Variants in WDR25 observed in about 807,000 individuals in gnomAD.
WDR25 encodes the protein WD repeat domain 25.
A neutral mutation model predicts 47.7 loss-of-function variants in WDR25; 35 were observed. That is an observed-to-expected ratio of 0.73 (90% CI 0.56 to 0.97). WDR25 has a LOEUF of 0.97. Ranked by LOEUF, WDR25 falls within the 50% of genes least tolerant of loss-of-function variation. The pLI is 0.00. For missense variants in WDR25, 634 were observed against 704.7 expected (o/e 0.90, Z 1.14); for synonymous variants, 248 against 278.9 (o/e 0.89, Z 1.10).
intron 2 of WDR25, chr14:100,382,286 G>A: frequency 1.5e-6 from 1 of 658,040 alleles, no homozygotes; most frequent in Non-Finnish European, 2.8e-6. Flanking sequence ...CCAACGGGAG[G>A]GTTACCAGCC....
intron 4 of WDR25, among the ~76,000 whole-genome samples, chr14:100,503,397 T>C (rs540193902): frequency 1.3e-5 from 2 of 152,182 alleles, no homozygotes; most frequent in African/African-American, 4.8e-5. Flanking sequence ...TAAATGCTAA[T>C]GAATTTAGAG....
rs147426411 is a variant in WDR25, at chr14:100,413,541, G to A, written c.822+31795G>A. On this transcript the variant is annotated intron_variant, in intron 2 of 6. Transcript: ENST00000402312. ...CCATTCTCCTGCCTCAGCCTCCCGA[G>A]TAGCTGGGACTACAGGCGCCCACCA... Among the ~76,000 whole-genome samples the A allele has an allele frequency of 4.0e-3, 606 of 152,052 alleles. 2 individuals are homozygous for A. Among genetic ancestry groups the A allele is most frequent in the African/African-American group, 0.014 (570 of 41,456 alleles).
At chr14:100,462,802 C>T (rs985016292) in intron 2 of WDR25, among the ~76,000 whole-genome samples, 1 of 151,846 alleles carries the variant, frequency 6.6e-6, no homozygotes, top group Non-Finnish European at 1.5e-5. Flanking sequence ...CCTCCGTCCT[C>T]TCCTCCTCTC....
intron 2 of WDR25, among the ~76,000 whole-genome samples, chr14:100,462,467 T>G (rs1477828570): frequency 6.6e-6 from 1 of 152,222 alleles, no homozygotes; most frequent in African/African-American, 2.4e-5. Context: ...GGAGACCAAT[T>G]GGCAAAGATT....
chr14:100,412,070 G>C (rs1359244327), intron 2 of WDR25, among the ~76,000 whole-genome samples: 1 of 152,118 alleles, frequency 6.6e-6, no homozygotes, highest in Non-Finnish European at 1.5e-5. Context: ...TGCCTGGTGT[G>C]GTTGTGGGCT....
chr14:100,462,666 CT>C (rs2140286717), intron 2 of WDR25, among the ~76,000 whole-genome samples: 1 of 152,302 alleles, frequency 6.6e-6, no homozygotes, highest in Non-Finnish European at 1.5e-5. Context: ...GGGAGTTCCC[CT>C]GGACAAGAAT....
chr14:100,442,276 C>T (rs1898693177), intron 2 of WDR25, among the ~76,000 whole-genome samples: 1 of 151,806 alleles, frequency 6.6e-6, no homozygotes, highest in South Asian at 2.1e-4. Context: ...GCCACAAAGC[C>T]AGTATTTAGT....
chr14:100,513,365 T>A (rs1332637472), intron 4 of WDR25, among the ~76,000 whole-genome samples: 2 of 152,236 alleles, frequency 1.3e-5, no homozygotes, highest in Non-Finnish European at 2.9e-5. Context: ...TCTTCTGCCA[T>A]GTGAGGACAA....
At chr14:100,461,931 T>G (rs1261111398) in intron 2 of WDR25, among the ~76,000 whole-genome samples, 1 of 152,068 alleles carries the variant, frequency 6.6e-6, no homozygotes, top group Non-Finnish European at 1.5e-5. Flanking sequence ...TTGTTTGTTT[T>G]TTTTTTTGGG....
chr14:100,495,308 GACCGTGTCAT>G (rs1566936897), intron 4 of WDR25, among the ~76,000 whole-genome samples: 1 of 152,206 alleles, frequency 6.6e-6, no homozygotes, highest in Non-Finnish European at 1.5e-5. Context: ...AGTGAGCTGA[GACCGTGTCAT>G]TGTATCCAGT....
At chr14:100,524,032 C>T (rs192829643) in intron 4 of WDR25, among the ~76,000 whole-genome samples, 1 of 152,254 alleles carries the variant, frequency 6.6e-6, no homozygotes, top group African/African-American at 2.4e-5. Context: ...ACATTATTGG[C>T]AGGGATCGCC....
intron 5 of WDR25, among the ~76,000 whole-genome samples, chr14:100,527,396 A>C (rs2030238752): frequency 6.6e-6 from 1 of 152,180 alleles, no homozygotes. Flanking sequence ...GATTTCAACT[A>C]ACCCAAGACT....
At position 100,503,044 on chromosome 14, in the gene WDR25, CGTGTGTGTGT is replaced by C. The variant is rs954407651; in HGVS notation, c.1101+18924_1101+18933del. On this transcript the variant is annotated intron_variant, in intron 4 of 6. Coordinates refer to ENST00000402312, the MANE Select transcript of WDR25 (RefSeq NM_001161476.3). Reference sequence around the variant, plus strand: ...CCATGCATGTGTGTGTGTCTGTGTCCGTGTGTGTGTGTGCGTGTGTGTGTGTGTGTGTGCA... The same window carrying C: ...CCATGCATGTGTGTGTGTCTGTGTCCGTGCGTGTGTGTGTGTGTGTGTGCA... Among the ~76,000 whole-genome samples the C allele has an allele frequency of 4.7e-5, 7 of 150,262 alleles. No individual in the cohort carries two copies. In the East Asian group the frequency reaches 1.4e-3, roughly 29 times the overall value.
intron 2 of WDR25, among the ~76,000 whole-genome samples, chr14:100,426,045 TG>T (rs1898158705): frequency 6.6e-6 from 1 of 152,330 alleles, no homozygotes; most frequent in South Asian, 2.1e-4. Context: ...CAGCTTCACA[TG>T]GGGTAGTTTA....
rs1898124090 is a variant in WDR25, at chr14:100,424,862, G to T, written c.822+43116G>T. On this transcript the variant is annotated intron_variant, in intron 2 of 6. Transcript: ENST00000402312. This position sits in a 1 kb window ranked among gnomAD's most constrained non-coding sequence, Gnocchi z 4.2. ...GACAAGGAAACTCAGGCTCAACAAG[G>T]TGATGCCTTTCCCAGGACATGTGCT... Among the ~76,000 whole-genome samples, 1 of 152,178 alleles carries T rather than the reference G, an allele frequency of 6.6e-6. No homozygotes were observed. The highest frequency in any genetic ancestry group is 1.5e-5 in the Non-Finnish European group (1 of 68,030).
intron 2 of WDR25, among the ~76,000 whole-genome samples, chr14:100,433,769 G>T (rs1456143173): frequency 6.6e-6 from 1 of 152,112 alleles, no homozygotes; most frequent in Non-Finnish European, 1.5e-5. Context: ...TTTGATAAGA[G>T]AAATCTCTTC....
intron 2 of WDR25, among the ~76,000 whole-genome samples, chr14:100,448,193 CAA>C (rs111428141): frequency 0.06 from 6,560 of 110,168 alleles, 275 homozygotes; most frequent in African/African-American, 0.18. Flanking sequence ...AACTCCGTCT[CAA>C]AAAAAAAAAA....
chr14:100,461,557 C>T (rs1015510954), intron 2 of WDR25, among the ~76,000 whole-genome samples: 29 of 152,158 alleles, frequency 1.9e-4, no homozygotes, highest in African/African-American at 6.0e-4. Context: ...GGTGTTTCCC[C>T]AGATATTTTA....
In WDR25 at chr14:100,500,450, C is replaced by A. The variant is rs1900882466; in HGVS notation, c.1101+16326C>A. ...GATGGTCAGATGGAGGCATGCCGGG[C>A]ACGGGGCATTCTCTGTGGCCCAGCC... On this transcript the variant is annotated intron_variant, in intron 4 of 6. Coordinates refer to ENST00000402312, the MANE Select transcript of WDR25 (RefSeq NM_001161476.3). This position sits in a 1 kb window ranked among gnomAD's most constrained non-coding sequence, Gnocchi z 4.7. Among the ~76,000 whole-genome samples, 1 of 152,174 alleles carries A rather than the reference C, an allele frequency of 6.6e-6. No individual in the cohort carries two copies.
Sources: allele counts gnomAD v4.1 joint callset (sites outside exome capture counted in the v4.1 genomes callset), GRCh38; gene constraint gnomAD v4.1.1; non-coding constraint Gnocchi (gnomAD v3.1); transcripts MANE v1.5; gene names NCBI Gene and HGNC (gene_info 2026-07-23, HGNC 2026-07-21).